UGT1A4: variants seen among roughly 807,000 people sequenced by gnomAD.
UGT1A4 encodes UDP glucuronosyltransferase family 1 member A4, also known as UDP-glucuronosyltransferase 1A4.
In UGT1A4, 32 loss-of-function variants were observed where a neutral mutation model predicts 41.1. The observed-to-expected ratio is 0.78, with a 90% confidence interval of 0.59 to 1.05. UGT1A4 has a LOEUF of 1.05. Ranked by LOEUF, UGT1A4 falls within the 50% of genes least tolerant of loss-of-function variation. The pLI is 0.00. For missense variants in UGT1A4, 748 were observed against 677.4 expected, an observed-to-expected ratio of 1.10 and a Z score of -1.16; for synonymous variants, 283 against 265.1, an observed-to-expected ratio of 1.07 and a Z score of -0.66.
At chr2:233,754,817 C>A in intron 1 of UGT1A4, 1 of 1,330,844 alleles carries the variant, frequency 7.5e-7, no homozygotes, top group East Asian at 4.7e-5. Flanking sequence ...AAAAACCACC[C>A]TCAAAAGCTG....
At chr2:233,755,106 A>C in intron 1 of UGT1A4, 1 of 1,334,076 alleles carries the variant, frequency 7.5e-7, no homozygotes, top group Non-Finnish European at 1.0e-6. Flanking sequence ...GTCCGACAAC[A>C]CCTCGTAGGC....
rs781412186 is a variant in UGT1A4, at chr2:233,767,080, T to C, written c.914T>C (p.Val305Ala). 6.2e-7 allele frequency: 1 copy of C among 1,614,096 alleles called. No individual in the cohort carries two copies. Among genetic ancestry groups the C allele is most frequent in the South Asian group, 1.1e-5 (1 of 91,078 alleles). ...INASGEHGIV[V>A]FSLGSMVSEI... The stretch of plus-strand genomic sequence containing the variant: ...GCTTCTGGAGAACATGGAATTGTGG[T>C]TTTCTCTTTGGGATCAATGGTCTCA... The change falls in exon 2 of 5, where the codon GTT becomes GCT. Residue 305 changes from valine (V) to alanine (A), a missense_variant. By Grantham distance (64) the Val-to-Ala change is moderately conservative. Transcript: ENST00000373409.
rs527779009 is a variant in UGT1A4 at position 233,754,984 on chromosome 2, G to T, written c.868-12050G>T. The T allele has an allele frequency of 3.9e-6, 5 of 1,295,396 alleles. No individual in the cohort carries two copies. In the African/African-American group the frequency reaches 6.0e-5, roughly 16 times the overall value. 80.2% of individuals were successfully genotyped at this position (1,295,396 alleles called of 1,614,324 possible). A position where few individuals can be genotyped will look rare whatever the true frequency, so the allele number is the denominator to read the frequency against. The stretch of plus-strand genomic sequence containing the variant: ...AAGAACTCCCTGAAGACCTCGGCGG[G>T]GTCACGGAAGCTGAAGACCTACTCG... On this transcript the variant is annotated intron_variant, in intron 1 of 4. Transcript: ENST00000373409.
Position 233,719,310 on chromosome 2 carries a change from T to C in UGT1A4, c.490T>C (p.Tyr164His). 3.7e-6 allele frequency: 6 copies of C among 1,613,982 alleles called. No individual in the cohort carries two copies. The highest frequency in any genetic ancestry group is 5.1e-6 in the Non-Finnish European group (6 of 1,179,888). The part of the protein sequence containing the change: ...VNLCGAVLAK[Y>H]LSIPAVFFWR... ...CCTCTGTGGGGCGGTGCTGGCTAAG[T>C]ACCTGTCGATTCCTGCTGTGTTTTT... Residue 164 changes from tyrosine to histidine, a missense_variant, in exon 1 of 5, where the codon TAC becomes CAC. Transcript: ENST00000373409.
intron 1 of UGT1A4, chr2:233,729,914 T>G (rs774517230): frequency 6.2e-7 from 1 of 1,614,026 alleles, no homozygotes. Context: ...GACTTTGTGA[T>G]GGACTACCCC....
At position 233,772,260 on chromosome 2, in the gene UGT1A4, A is replaced by G; in HGVS notation, c.1308-2A>G. 1 of 1,614,264 alleles carries G rather than the reference A, an allele frequency of 6.2e-7. No homozygotes were observed. Among genetic ancestry groups the G allele is most frequent in the Non-Finnish European group, 8.5e-7 (1 of 1,180,050 alleles). ...GCATAACGAAACTGTCTTTGTGTTT[A>G]GTTACAAGGAGAACATCATGCGCCT... On this transcript the variant is annotated splice_acceptor_variant, in intron 4 of 4. Transcript: ENST00000373409. LOFTEE classifies it high-confidence loss of function.
At chr2:233,757,716 G>A (rs1426066067) in intron 1 of UGT1A4, among the ~76,000 whole-genome samples, 1 of 151,612 alleles carries the variant, frequency 6.6e-6, no homozygotes, top group African/African-American at 2.4e-5. Context: ...TCCCGGGAGG[G>A]TCCTGTAGAT....
chr2:233,745,759 G>A (rs1184455578), intron 1 of UGT1A4, among the ~76,000 whole-genome samples: 1 of 150,666 alleles, frequency 6.6e-6, no homozygotes, highest in Non-Finnish European at 1.5e-5. Flanking sequence ...CAGAAGGGGT[G>A]GAGAGGAGGA....
At chr2:233,755,462 T>C (rs1695929337) in intron 1 of UGT1A4, 1 of 276,566 alleles carries the variant, frequency 3.6e-6, no homozygotes, top group Non-Finnish European at 7.1e-6. Flanking sequence ...CTGGCCCTGC[T>C]CTCTGTGAGG....
Position 233,718,851 on chromosome 2 carries a change from CG to C in UGT1A4, c.33del (p.Leu12TrpfsTer54). The C allele has an allele frequency of 6.2e-7, 1 of 1,613,708 alleles. No homozygotes were observed. The highest frequency in any genetic ancestry group is 1.1e-5 in the South Asian group (1 of 91,048). MARGLQVPLP[R>X]LATGLLLLLS... ...CAGAGGACTCCAGGTTCCCCTGCCG[CG>C]GCTGGCCACAGGACTGCTGCTCCTC... On this transcript the variant is annotated frameshift_variant, in exon 1 of 5. Transcript: ENST00000373409. LOFTEE classifies it high-confidence loss of function.
intron 1 of UGT1A4, among the ~76,000 whole-genome samples, chr2:233,749,028 G>T (rs564218690): frequency 1.3e-5 from 2 of 151,722 alleles, no homozygotes; most frequent in South Asian, 4.2e-4. Context: ...AATATTTGGG[G>T]TTCATTGATG....
chr2:233,719,450 G>T lies in UGT1A4; in HGVS notation c.630G>T (p.Arg210Ser). ...CAGACCACATGACATTCCTGCAAAG[G>T]GTCAAGAACATGCTCTACCCTCTGG... ...TNSDHMTFLQ[R>S]VKNMLYPLAL... is the part of the protein sequence containing the mutation. The change falls in exon 1 of 5, where the codon AGG becomes AGT. Residue 210 changes from arginine to serine, a missense_variant. Transcript: ENST00000373409. The T allele has an allele frequency of 6.2e-7, 1 of 1,613,868 alleles. No homozygotes were observed. The highest frequency in any genetic ancestry group is 8.5e-7 in the Non-Finnish European group (1 of 1,179,830).
intron 1 of UGT1A4, among the ~76,000 whole-genome samples, chr2:233,737,258 C>A (rs552536149): frequency 6.6e-6 from 1 of 152,360 alleles, no homozygotes; most frequent in Admixed American, 6.5e-5. Context: ...CAAGCCTCAG[C>A]AATGGCGGAC....
chr2:233,748,290 T>C (rs1391858558), intron 1 of UGT1A4, among the ~76,000 whole-genome samples: 2 of 151,668 alleles, frequency 1.3e-5, no homozygotes, highest in Non-Finnish European at 2.9e-5. Flanking sequence ...GAGGCAGACA[T>C]GAATGTTTAT....
rs763953331 is a variant in UGT1A4, at chr2:233,743,717, C to T, written c.868-23317C>T. The T allele has an allele frequency of 8.8e-6, 12 of 1,367,234 alleles. No individual in the cohort carries two copies. In the East Asian group the frequency reaches 2.7e-4, roughly 31 times the overall value. 84.7% of individuals were successfully genotyped at this position (1,367,234 alleles called of 1,614,324 possible). On this transcript the variant is annotated intron_variant, in intron 1 of 4. Coordinates refer to ENST00000373409, the MANE Select transcript of UGT1A4 (RefSeq NM_007120.3). ...GCCCTCCGCCCCCGCCTCGCCATAG[C>T]GGTCATAGATATCGCGTTTCTTGGC... is the stretch of plus-strand genomic sequence containing the variant.
In UGT1A4 at chr2:233,724,597, G is replaced by T. The variant is rs1338204935; in HGVS notation, c.867+4910G>T. The stretch of plus-strand genomic sequence containing the variant: ...CAGAGGCGCTCCCCACATCTCAGAC[G>T]ATGGGCGGCCGGGCAGAGACGCTCC... On this transcript the variant is annotated intron_variant, in intron 1 of 4. Coordinates refer to ENST00000373409, the MANE Select transcript of UGT1A4 (RefSeq NM_007120.3). Among the ~76,000 whole-genome samples the T allele has an allele frequency of 7.7e-3, 1,007 of 130,776 alleles. 47 individuals are homozygous for T. Among genetic ancestry groups the T allele is most frequent in the African/African-American group, 0.029 (930 of 32,516 alleles). 85.8% of individuals were successfully genotyped at this position (130,776 alleles called of 152,430 possible).
At chr2:233,736,641 C>G (rs1209687241) in intron 1 of UGT1A4, among the ~76,000 whole-genome samples, 1 of 152,216 alleles carries the variant, frequency 6.6e-6, no homozygotes, top group Non-Finnish European at 1.5e-5. Context: ...AGTTTCCCCC[C>G]ATCTTTGTGG....
chr2:233,758,598 G>T (rs1696919862), intron 1 of UGT1A4, among the ~76,000 whole-genome samples: 1 of 152,158 alleles, frequency 6.6e-6, no homozygotes, highest in Admixed American at 6.5e-5. Flanking sequence ...GTGGGGAGGA[G>T]CTTCAGTGTG....
At position 233,772,917 on chromosome 2, in the gene UGT1A4, G is replaced by A. The variant is rs930433907; in HGVS notation, c.*358G>A. ...TCCCACGGCTGCCCCTACTGCAAAT[G>A]GCAGTTTTAATCTTATCTTTTGGCT... On this transcript the variant is annotated 3_prime_UTR_variant, in exon 5 of 5. Coordinates refer to ENST00000373409, the MANE Select transcript of UGT1A4 (RefSeq NM_007120.3). The A allele has an allele frequency of 5.3e-6, 2 of 380,130 alleles. No individual in the cohort carries two copies. The highest frequency in any genetic ancestry group is 9.3e-6 in the Non-Finnish European group (2 of 215,476). The allele number at this position is 380,130 out of a possible 1,614,324, so 23.5% of individuals were successfully genotyped here.
Sources: allele counts gnomAD v4.1 joint callset (sites outside exome capture counted in the v4.1 genomes callset), GRCh38; gene constraint gnomAD v4.1.1; transcripts MANE v1.5; gene names NCBI Gene and HGNC (gene_info 2026-07-23, HGNC 2026-07-21).